TNNI3K: variants seen among roughly 807,000 people sequenced by gnomAD.
TNNI3K encodes TNNI3 interacting kinase.
A neutral mutation model predicts 114.5 loss-of-function variants in TNNI3K; 140 were observed. The observed-to-expected ratio is 1.22, with a 90% CI of 1.07 to 1.41. The LOEUF (loss-of-function observed/expected upper bound fraction) is 1.41. Ranked by LOEUF, TNNI3K falls within the 40% of genes most tolerant of loss-of-function variation. The pLI, the probability that TNNI3K is intolerant of heterozygous loss-of-function variation, is 0.00. For synonymous variants in TNNI3K, 347 were observed against 347.5 expected, an observed-to-expected ratio of 1.00 and a Z score of 0.02; for missense variants, 1,125 against 1,007.6, an observed-to-expected ratio of 1.12 and a Z score of -1.58.
At chr1:74,486,201 A>AAGAGAGAGAGAGAGAGAGAGAGAGAG (rs58506314) in intron 21 of TNNI3K, among the ~76,000 whole-genome samples, 33 of 136,408 alleles carry the variant, frequency 2.4e-4, no homozygotes, top group African/African-American at 8.4e-4. Context: ...AAATGCTATA[A>AAGAGAGAGAGAGAGAGAGAGAGAGAG]AGAGAGAGAG....
chr1:74,343,961 G>A (rs1486591051), intron 9 of TNNI3K, among the ~76,000 whole-genome samples: 2 of 152,132 alleles, frequency 1.3e-5, no homozygotes, highest in East Asian at 3.9e-4. Flanking sequence ...ATATTTAGTA[G>A]ATCTTGAAAA....
chr1:74,450,709 G>A (rs1666952385), intron 20 of TNNI3K, among the ~76,000 whole-genome samples: 1 of 152,082 alleles, frequency 6.6e-6, no homozygotes, highest in African/African-American at 2.4e-5. Context: ...ACCATTTCAT[G>A]CCAGTCAGAA....
intron 20 of TNNI3K, among the ~76,000 whole-genome samples, chr1:74,447,164 T>C (rs1317158548): frequency 6.6e-6 from 1 of 151,448 alleles, no homozygotes; most frequent in Non-Finnish European, 1.5e-5. Flanking sequence ...TGATTCTTCC[T>C]ACCCATGAGC....
intron 5 of TNNI3K, among the ~76,000 whole-genome samples, chr1:74,323,688 G>C (rs1406737689): frequency 6.6e-6 from 1 of 152,078 alleles, no homozygotes; most frequent in Non-Finnish European, 1.5e-5. Flanking sequence ...AGGAGTAGAA[G>C]TAGTAGTCTT....
chr1:74,318,595 A>T (rs776320777), intron 5 of TNNI3K, among the ~76,000 whole-genome samples: 1 of 152,140 alleles, frequency 6.6e-6, no homozygotes, highest in African/African-American at 2.4e-5. Context: ...GAAAACTTCT[A>T]TTTCACGTTT....
intron 6 of TNNI3K, 27 bp from the exon 7 acceptor site, chr1:74,335,984 C>A (rs767648260): frequency 3.2e-6 from 5 of 1,541,062 alleles, no homozygotes; most frequent in Non-Finnish European, 4.3e-6. Flanking sequence ...AATTTTTATA[C>A]TGATTTCAAA....
chr1:74,505,471 G>A (rs893888983), intron 23 of TNNI3K, among the ~76,000 whole-genome samples: 1 of 152,188 alleles, frequency 6.6e-6, no homozygotes, highest in Non-Finnish European at 1.5e-5. Flanking sequence ...TCAGATACAA[G>A]AGCAATGATT....
At chr1:74,367,181 T>C (rs965808969) in intron 11 of TNNI3K, 75 bp from the exon 12 acceptor site, 2 of 1,450,338 alleles carry the variant, frequency 1.4e-6, no homozygotes, top group African/African-American at 2.8e-5. Context: ...CTTCCAATAA[T>C]TTTTGGATTT....
chr1:74,439,595 G>A lies in TNNI3K; in HGVS notation c.1984G>A (p.Glu662Lys), dbSNP rs747300364. 2.5e-5 allele frequency: 40 copies of A among 1,613,244 alleles called. No individual in the cohort carries two copies. Among genetic ancestry groups the A allele is most frequent in the East Asian group, 2.0e-4 (9 of 44,878 alleles). Reference sequence around the variant, plus strand: ...GTGTCTGTGGGAAATTCTCACTGGCGAAATTCCATTCGCTCATCTCAAGCC... The same window carrying A: ...GTGTCTGTGGGAAATTCTCACTGGCAAAATTCCATTCGCTCATCTCAAGCC... The part of the protein sequence containing the change: ...ALCLWEILTG[E>K]IPFAHLKPAA... The change falls in exon 20 of 25, where the codon GAA becomes AAA. Residue 662 changes from glutamate to lysine, a missense_variant. Coordinates refer to ENST00000326637, the MANE Select transcript of TNNI3K (RefSeq NM_015978.3).
intron 17 of TNNI3K, among the ~76,000 whole-genome samples, chr1:74,409,651 C>T (rs1222381622): frequency 1.3e-5 from 2 of 151,562 alleles, no homozygotes; most frequent in African/African-American, 2.4e-5. Context: ...CTGCGACACA[C>T]CTGGCTAATT....
intron 10 of TNNI3K, 62 bp from the exon 11 acceptor site, chr1:74,353,918 G>A (rs532634768): frequency 3.2e-6 from 5 of 1,550,434 alleles, no homozygotes; most frequent in Non-Finnish European, 4.3e-6. Flanking sequence ...ACTGTCTTTT[G>A]AAAATTGGGG....
chr1:74,453,608 A>G (rs1027028159), intron 20 of TNNI3K, among the ~76,000 whole-genome samples: 1 of 152,192 alleles, frequency 6.6e-6, no homozygotes, highest in Non-Finnish European at 1.5e-5. Context: ...TGACTCCTAC[A>G]CAAGTGATAG....
chr1:74,538,282 G>T (rs1352059091), intron 23 of TNNI3K, among the ~76,000 whole-genome samples: 1 of 152,116 alleles, frequency 6.6e-6, no homozygotes, highest in Non-Finnish European at 1.5e-5. Flanking sequence ...TGGTATATCG[G>T]CTTGGGGAAT....
chr1:74,374,409 G>A (rs1178356725), intron 17 of TNNI3K: 1 of 151,814 alleles, frequency 6.6e-6, no homozygotes, highest in African/African-American at 2.4e-5. Flanking sequence ...TTACAGATAA[G>A]GAAACTGACT....
At chr1:74,441,765 T>C (rs1666384036) in intron 20 of TNNI3K, among the ~76,000 whole-genome samples, 1 of 152,158 alleles carries the variant, frequency 6.6e-6, no homozygotes, top group Admixed American at 6.6e-5. Flanking sequence ...CTTTATGTGC[T>C]TGTTTGATAT....
At chr1:74,329,388 C>A (rs1271908989) in intron 5 of TNNI3K, among the ~76,000 whole-genome samples, 1 of 152,030 alleles carries the variant, frequency 6.6e-6, no homozygotes, top group East Asian at 1.9e-4. Context: ...AATGTGTATT[C>A]TCCTGATCAT....
intron 19 of TNNI3K, among the ~76,000 whole-genome samples, chr1:74,437,767 G>A (rs1455989910): frequency 1.3e-5 from 2 of 151,790 alleles, no homozygotes; most frequent in Non-Finnish European, 2.9e-5. Flanking sequence ...TGGTCCTCAA[G>A]CCTAGCTGCA....
Position 74,336,150 on chromosome 1 carries a change from G to C in TNNI3K, c.682+1G>C, listed in dbSNP as rs1261148533. ...ATGGAAGAAGGCAGCAAAGCAGATG[G>C]TAAGATTATATATTTAAAAGACCTT... is the stretch of plus-strand genomic sequence containing the variant. On this transcript the variant is annotated splice_donor_variant, in intron 7 of 24. Transcript: ENST00000326637. LOFTEE classifies it high-confidence loss of function. 2 of 1,596,028 alleles carry C rather than the reference G, an allele frequency of 1.3e-6. No homozygotes were observed. Among genetic ancestry groups the C allele is most frequent in the African/African-American group, 1.4e-5 (1 of 73,510 alleles).
At chr1:74,517,188 C>T (rs1364680451) in intron 23 of TNNI3K, among the ~76,000 whole-genome samples, 2 of 151,910 alleles carry the variant, frequency 1.3e-5, no homozygotes, top group South Asian at 2.1e-4. Flanking sequence ...GTAGGGGTAA[C>T]TCTTTAAAAA....
Sources: allele counts gnomAD v4.1 joint callset (sites outside exome capture counted in the v4.1 genomes callset), GRCh38; gene constraint gnomAD v4.1.1; transcripts MANE v1.5; gene names NCBI Gene and HGNC (gene_info 2026-07-23, HGNC 2026-07-21).